FBXL17: variants seen among roughly 807,000 people sequenced by gnomAD.
FBXL17 encodes the protein F-box and leucine rich repeat protein 17.
In FBXL17, 22 loss-of-function variants were observed where a neutral mutation model predicts 66.2. The observed-to-expected ratio is 0.33, with a 90% CI of 0.24 to 0.47. The LOEUF (loss-of-function observed/expected upper bound fraction) is 0.47. Among genes scored for constraint, FBXL17 ranks in the 20% least tolerant of loss-of-function variants. FBXL17 has a pLI of 1.00. For synonymous variants in FBXL17, 474 were observed against 400.5 expected (o/e 1.18, Z -2.19); for missense variants, 878 against 948.2 (o/e 0.93, Z 0.97).
chr5:108,364,616 T>TA, intron 3 of FBXL17, 122 bp downstream of exon 3: 8 of 741,462 alleles, frequency 1.1e-5, no homozygotes, highest in Non-Finnish European at 1.5e-5. Context: ...CATTAATAGG[T>TA]AAAAAAGATG....
chr5:108,188,076 TG>T (rs1392897673), intron 5 of FBXL17, among the ~76,000 whole-genome samples: 2 of 152,212 alleles, frequency 1.3e-5, no homozygotes, highest in African/African-American at 4.8e-5. Context: ...TATATCTGCA[TG>T]TGGCTAACAG....
intron 3 of FBXL17, among the ~76,000 whole-genome samples, chr5:108,362,293 C>T (rs1748391432): frequency 6.6e-6 from 1 of 152,116 alleles, no homozygotes; most frequent in Admixed American, 6.6e-5. Flanking sequence ...TTCTACTGAG[C>T]TCCATGAGCT....
chr5:108,256,342 T>C (rs757194650), intron 4 of FBXL17, among the ~76,000 whole-genome samples: 1 of 152,286 alleles, frequency 6.6e-6, no homozygotes, highest in East Asian at 1.9e-4. Context: ...ATATTTATCA[T>C]TGGGCAAAAG....
At chr5:108,024,649 A>T (rs1361394573) in intron 6 of FBXL17, among the ~76,000 whole-genome samples, 1 of 152,170 alleles carries the variant, frequency 6.6e-6, no homozygotes, top group Non-Finnish European at 1.5e-5. Flanking sequence ...GCTGTTGAGT[A>T]CATATATATA....
At chr5:108,302,720 C>T (rs892556968) in intron 4 of FBXL17, among the ~76,000 whole-genome samples, 1 of 151,636 alleles carries the variant, frequency 6.6e-6, no homozygotes, top group Non-Finnish European at 1.5e-5. Context: ...GACAGTTATC[C>T]TTTATGTATA....
intron 4 of FBXL17, among the ~76,000 whole-genome samples, chr5:108,294,194 C>T (rs1019176996): frequency 2.1e-5 from 3 of 145,904 alleles, no homozygotes; most frequent in South Asian, 2.1e-4. Flanking sequence ...TACATATCAA[C>T]AGTATTTTGA....
intron 7 of FBXL17, among the ~76,000 whole-genome samples, chr5:107,979,066 TAA>T (rs1187153780): frequency 9.2e-5 from 14 of 152,222 alleles, no homozygotes. Context: ...TTGTGAAGAT[TAA>T]AAGAGACAAT....
At chr5:108,378,926 G>C (rs1214152456) in intron 1 of FBXL17, among the ~76,000 whole-genome samples, 1 of 152,136 alleles carries the variant, frequency 6.6e-6, no homozygotes, top group Non-Finnish European at 1.5e-5. Flanking sequence ...ATACCACTAG[G>C]ACCATCAGAC....
intron 6 of FBXL17, among the ~76,000 whole-genome samples, chr5:108,050,962 T>C (rs1747448216): frequency 6.6e-6 from 1 of 152,156 alleles, no homozygotes; most frequent in Non-Finnish European, 1.5e-5. Flanking sequence ...GAAACACCTC[T>C]GTGCAAATAA....
intron 6 of FBXL17, among the ~76,000 whole-genome samples, chr5:108,097,836 G>A (rs762411436): frequency 2.6e-5 from 4 of 151,618 alleles, no homozygotes; most frequent in African/African-American, 9.7e-5. Context: ...ACTACCTAGT[G>A]TCTCTCTTTC....
At chr5:108,188,368 G>A (rs1016926175) in intron 5 of FBXL17, among the ~76,000 whole-genome samples, 3 of 152,162 alleles carry the variant, frequency 2.0e-5, no homozygotes, top group African/African-American at 7.2e-5. Flanking sequence ...TCTTCTAAGG[G>A]CTAGGTTGTA....
At chr5:108,228,586 C>T (rs1310226094) in intron 4 of FBXL17, among the ~76,000 whole-genome samples, 2 of 152,170 alleles carry the variant, frequency 1.3e-5, no homozygotes, top group African/African-American at 4.8e-5. Flanking sequence ...TTGAACAATG[C>T]ATGGCACATT....
intron 6 of FBXL17, among the ~76,000 whole-genome samples, chr5:108,082,011 C>A (rs1748790490): frequency 6.6e-6 from 1 of 152,180 alleles, no homozygotes; most frequent in South Asian, 2.1e-4. Flanking sequence ...GATAAGGCCT[C>A]CAATATTGTT....
chr5:107,977,382 A>G lies in FBXL17; in HGVS notation c.1822+43543T>C, dbSNP rs551969252. ...CTATAATGCTAGGAACTTTACATTT[A>G]TTATTGCTAAACTTTCAACAATCTT... On this transcript the variant is annotated intron_variant, in intron 7 of 8. Coordinates refer to ENST00000542267, the MANE Select transcript of FBXL17 (RefSeq NM_001163315.3). Among the ~76,000 whole-genome samples, 50 of 152,352 alleles carry G rather than the reference A, an allele frequency of 3.3e-4. 2 individuals carry two copies. The South Asian group carries it at 0.01, about 31-fold the overall frequency.
intron 8 of FBXL17, among the ~76,000 whole-genome samples, chr5:107,870,969 C>T (rs560215402): frequency 2.0e-5 from 3 of 149,500 alleles, no homozygotes; most frequent in African/African-American, 4.9e-5. Context: ...ATCCATACAA[C>T]GCTTCATGCA....
At chr5:108,259,261 T>C (rs766375286) in intron 4 of FBXL17, among the ~76,000 whole-genome samples, 8 of 152,206 alleles carry the variant, frequency 5.3e-5, no homozygotes, top group Non-Finnish European at 1.0e-4. Flanking sequence ...ATAAAAAATG[T>C]CTATCGATAT....
In FBXL17 at chr5:107,940,585, G is replaced by A. The variant is rs116498378; in HGVS notation, c.1823-59406C>T. On this transcript the variant is annotated intron_variant, in intron 7 of 8. Coordinates refer to ENST00000542267, the MANE Select transcript of FBXL17 (RefSeq NM_001163315.3). Reference sequence around the variant, plus strand: ...ATTTGCTAACACATGGAGATGGAAGGTAGGACTGCCTATTAGAGAAAATGA... The same window carrying A: ...ATTTGCTAACACATGGAGATGGAAGATAGGACTGCCTATTAGAGAAAATGA... Among the ~76,000 whole-genome samples, 913 of 152,254 alleles carry A rather than the reference G, an allele frequency of 6.0e-3. 8 individuals are homozygous for A. The highest frequency in any genetic ancestry group is 0.02 in the African/African-American group (827 of 41,542).
intron 5 of FBXL17, among the ~76,000 whole-genome samples, chr5:108,207,872 G>A (rs1212824644): frequency 6.6e-6 from 1 of 152,126 alleles, no homozygotes; most frequent in East Asian, 1.9e-4. Context: ...GGTATTTCTA[G>A]TTCTAGATCC....
At chr5:108,299,969 T>A in intron 4 of FBXL17, 1 of 327,392 alleles carries the variant, frequency 3.1e-6, no homozygotes, top group Non-Finnish European at 4.4e-6. Flanking sequence ...ATTAATTTCT[T>A]AAAGTTTAAA....
Sources: gnomAD v4.1 joint callset for allele counts (sites outside exome capture counted in the v4.1 genomes callset) on GRCh38, gnomAD v4.1.1 for gene constraint, MANE v1.5 for transcripts, NCBI Gene and HGNC (gene_info 2026-07-23, HGNC 2026-07-21) for gene names.